NT5C3B: variants seen among roughly 807,000 people sequenced by gnomAD.
The protein encoded by NT5C3B is 5'-nucleotidase, cytosolic IIIB, also known as 7-methylguanosine phosphate-specific 5'-nucleotidase.
NT5C3B carries 28 observed loss-of-function variants against 32.5 expected under a neutral mutation model. The ratio of observed to expected loss-of-function variants is 0.86; its 90% CI spans 0.64 to 1.18. The LOEUF (loss-of-function observed/expected upper bound fraction) is 1.18, where lower values mean the gene tolerates loss of function less well. Ranked by LOEUF, NT5C3B falls within the 50% of genes most tolerant of loss-of-function variation. NT5C3B has a pLI of 0.00. For missense variants in NT5C3B, 317 were observed against 322.0 expected (o/e 0.98, Z 0.12); for synonymous variants, 138 against 118.0 (o/e 1.17, Z -1.10).
intron 7 of NT5C3B, 124 bp downstream of exon 7, chr17:41,828,666 G>A (rs1382096702): frequency 2.2e-6 from 2 of 895,312 alleles, no homozygotes; most frequent in East Asian, 4.9e-5. Flanking sequence ...ACTGCCTGAG[G>A]GTGAAGAAGC....
chr17:41,826,285 A>G (rs75326047), intron 8 of NT5C3B, among the ~76,000 whole-genome samples: 12,573 of 152,072 alleles, frequency 0.083, 723 homozygotes, highest in Non-Finnish European at 0.11. Flanking sequence ...GTGCAGTGGC[A>G]TAATCTTGGC....
chr17:41,834,283 C>A (rs956741567), intron 4 of NT5C3B, among the ~76,000 whole-genome samples: 3 of 151,874 alleles, frequency 2.0e-5, no homozygotes, highest in Non-Finnish European at 4.4e-5. Context: ...GTAATCCCAG[C>A]TACTCGAGAG....
At chr17:41,836,130 CG>C (rs2048153997) in intron 1 of NT5C3B, 51 bp downstream of exon 1, 2 of 1,320,932 alleles carry the variant, frequency 1.5e-6, no homozygotes, top group Non-Finnish European at 9.6e-7. Context: ...CGAAGCGCCC[CG>C]GGGGTCGGAG....
chr17:41,830,975 T>A, intron 5 of NT5C3B, 85 bp from the exon 6 acceptor site: 1 of 862,258 alleles, frequency 1.2e-6, no homozygotes, highest in Non-Finnish European at 1.9e-6. Flanking sequence ...CCAAGTACCC[T>A]CTGACAGCAT....
At chr17:41,830,778 G>C (rs1315057617) in intron 6 of NT5C3B, 23 bp downstream of exon 6, 9 of 1,509,172 alleles carry the variant, frequency 6.0e-6, no homozygotes, top group Non-Finnish European at 8.3e-6. Context: ...TGATAGAAAT[G>C]TTTTCCAGAG....
intron 1 of NT5C3B, 75 bp from the exon 2 acceptor site, chr17:41,836,032 C>A: frequency 1.4e-6 from 2 of 1,442,528 alleles, no homozygotes; most frequent in South Asian, 2.9e-5. Context: ...CTCGCTCGGG[C>A]GCGCGTGTGA....
chr17:41,827,497 C>T lies in NT5C3B; in HGVS notation c.697G>A (p.Gly233Arg), dbSNP rs782640349. 12 of 872,754 alleles carry T rather than the reference C, an allele frequency of 1.4e-5. No individual in the cohort carries two copies. Among genetic ancestry groups the T allele is most frequent in the African/African-American group, 1.6e-5 (1 of 61,262 alleles). The allele number at this position is 872,754 out of a possible 1,614,324, so 54.1% of individuals were successfully genotyped here. ...TNVILLGDSIGDLTMADGVPG... is the reference protein window; with the variant it reads ...TNVILLGDSIRDLTMADGVPG... ...ACCCCATCGGCCATGGTGAGGTCCC[C>T]GATAGAGTCTCCCAGCAGGATGACA... Residue 233 changes from glycine (G) to arginine (R), a missense_variant, in exon 8 of 9, where the codon GGG becomes AGG. Gly to Arg is a moderately radical substitution (Grantham distance 125). Transcript: ENST00000435506.
chr17:41,828,838 G>A lies in NT5C3B; in HGVS notation c.519C>T (p.Phe173=), dbSNP rs2048005944. ...TAGACACGATGTGGATGTTGGGGTG[G>A]AACACTTTCATCTGTCGGATAATTT... ...LEEIIRQMKV[F]HPNIHIVSNY... is the part of the protein sequence containing the mutation. The change falls in exon 7 of 9, where the codon TTC becomes TTT. Residue 173 remains phenylalanine (F), a synonymous_variant. Transcript: ENST00000435506. 1.2e-6 allele frequency: 2 copies of A among 1,613,856 alleles called. No individual in the cohort carries two copies. Among genetic ancestry groups the A allele is most frequent in the South Asian group, 1.1e-5 (1 of 91,058 alleles).
chr17:41,834,768 G>C (rs918230894), intron 4 of NT5C3B, among the ~76,000 whole-genome samples: 4 of 152,052 alleles, frequency 2.6e-5, no homozygotes, highest in Non-Finnish European at 5.9e-5. Flanking sequence ...AAACAAACAA[G>C]CTCTGCCATT....
Position 41,836,221 on chromosome 17 carries a change from C to T in NT5C3B, c.-28G>A, listed in dbSNP as rs1386005201. 6 of 1,209,740 alleles carry T rather than the reference C, an allele frequency of 5.0e-6. No homozygotes were observed. The highest frequency in any genetic ancestry group is 3.0e-4 in the Middle Eastern group (1 of 3,330). 74.9% of individuals were successfully genotyped at this position (1,209,740 alleles called of 1,614,324 possible). A position where few individuals can be genotyped will look rare whatever the true frequency, so the allele number is the denominator to read the frequency against. ...CGTTCGAGGCCTGGTCGGCGGCTCG[C>T]GGGACAACGACAGCCCCGCGACCGC... On this transcript the variant is annotated 5_prime_UTR_variant, in exon 1 of 9. Coordinates refer to ENST00000435506, the MANE Select transcript of NT5C3B (RefSeq NM_052935.5).
chr17:41,825,307 A>G lies in NT5C3B; in HGVS notation c.*216T>C, dbSNP rs2047941914. ...CTAGAGCACTGACATGCTGTGGTCCAAGGTTCACCAGGAACAGTGCCTGTG... is the reference window on the plus strand; with the variant it reads ...CTAGAGCACTGACATGCTGTGGTCCGAGGTTCACCAGGAACAGTGCCTGTG... On this transcript the variant is annotated 3_prime_UTR_variant, in exon 9 of 9. Transcript: ENST00000435506. The G allele has an allele frequency of 3.8e-6, 2 of 532,874 alleles. No homozygotes were observed. The highest frequency in any genetic ancestry group is 6.7e-6 in the Non-Finnish European group (2 of 298,282). The allele number at this position is 532,874 out of a possible 1,614,324, so 33.0% of individuals were successfully genotyped here.
chr17:41,828,017 C>T (rs35258229), intron 7 of NT5C3B, among the ~76,000 whole-genome samples: 3 of 152,182 alleles, frequency 2.0e-5, no homozygotes, highest in Non-Finnish European at 2.9e-5. Flanking sequence ...CTGGTGGATG[C>T]ACGAAGCTGT....
chr17:41,834,804 C>T (rs1045265049), intron 4 of NT5C3B, among the ~76,000 whole-genome samples: 2 of 152,160 alleles, frequency 1.3e-5, no homozygotes, highest in Admixed American at 6.5e-5. Flanking sequence ...GGGTAAGTTG[C>T]TGAACCTCCA....
chr17:41,832,686 G>A (rs554207403), intron 4 of NT5C3B: 4 of 379,040 alleles, frequency 1.1e-5, no homozygotes, highest in East Asian at 1.1e-4. Flanking sequence ...TGGCCAACAT[G>A]GCGAAACCCT....
chr17:41,825,876 G>A (rs1472565811), intron 8 of NT5C3B, among the ~76,000 whole-genome samples: 2 of 152,158 alleles, frequency 1.3e-5, no homozygotes, highest in Non-Finnish European at 2.9e-5. Context: ...CAATACAAAA[G>A]AACAGTAACA....
intron 6 of NT5C3B, among the ~76,000 whole-genome samples, chr17:41,829,493 G>A (rs954458621): frequency 2.0e-5 from 3 of 152,176 alleles, no homozygotes; most frequent in Admixed American, 6.6e-5. Context: ...AGGCTCCCTC[G>A]TGATCTCTCC....
chr17:41,833,386 G>A (rs1264757820), intron 4 of NT5C3B, among the ~76,000 whole-genome samples: 3 of 151,638 alleles, frequency 2.0e-5, no homozygotes, highest in Non-Finnish European at 2.9e-5. Flanking sequence ...GCGCAATCTC[G>A]GCTCACTGCA....
chr17:41,829,701 C>T (rs1279350139), intron 6 of NT5C3B, among the ~76,000 whole-genome samples: 1 of 152,196 alleles, frequency 6.6e-6, no homozygotes, highest in African/African-American at 2.4e-5. Flanking sequence ...AAATATGCCA[C>T]AATTTATCTA....
chr17:41,833,714 T>C (rs2048091197), intron 4 of NT5C3B, among the ~76,000 whole-genome samples: 1 of 152,146 alleles, frequency 6.6e-6, no homozygotes, highest in Non-Finnish European at 1.5e-5. Flanking sequence ...AAAAATGAAA[T>C]ATAACTAGAA....
Sources: allele counts gnomAD v4.1 joint callset (sites outside exome capture counted in the v4.1 genomes callset), GRCh38; gene constraint gnomAD v4.1.1; transcripts MANE v1.5; gene names NCBI Gene and HGNC (gene_info 2026-07-23, HGNC 2026-07-21).